LRMDA: variants seen among roughly 807,000 people sequenced by gnomAD.
LRMDA encodes the protein leucine rich melanocyte differentiation associated.
Under a neutral mutation model 29.8 loss-of-function variants are expected in LRMDA, and 18 were observed. The ratio of observed to expected loss-of-function variants is 0.60; its 90% CI spans 0.42 to 0.90. The LOEUF (loss-of-function observed/expected upper bound fraction) is 0.90. LRMDA is among the 40% of genes least tolerant of loss of function. The probability of loss-of-function intolerance (pLI) is 0.00; values close to 1 mark genes in which losing one functional copy is unlikely to be tolerated. For missense variants in LRMDA, 273 were observed against 273.9 expected (o/e 1.00, Z 0.02); for synonymous variants, 125 against 109.4 (o/e 1.14, Z -0.89).
intron 2 of LRMDA, among the ~76,000 whole-genome samples, chr10:75,562,194 G>T (rs1030357131): frequency 6.6e-6 from 1 of 152,080 alleles, no homozygotes; most frequent in Non-Finnish European, 1.5e-5. Context: ...TTCAGGACTT[G>T]CTTTATGAAT....
intron 2 of LRMDA, among the ~76,000 whole-genome samples, chr10:75,449,777 G>A (rs980769194): frequency 1.3e-5 from 2 of 152,184 alleles, no homozygotes; most frequent in Non-Finnish European, 2.9e-5. Context: ...CCTGCTCTGT[G>A]AGATGTGGTT....
At chr10:75,799,886 T>C (rs1843718928) in intron 2 of LRMDA, among the ~76,000 whole-genome samples, 1 of 151,686 alleles carries the variant, frequency 6.6e-6, no homozygotes, top group Non-Finnish European at 1.5e-5. Context: ...CAAATACTGT[T>C]TTTGCCTTAT....
chr10:75,737,834 A>G (rs560122072), intron 2 of LRMDA, among the ~76,000 whole-genome samples: 3 of 152,208 alleles, frequency 2.0e-5, no homozygotes, highest in Non-Finnish European at 4.4e-5. Context: ...TATAGTTATC[A>G]CTGCTGCACT....
intron 5 of LRMDA, among the ~76,000 whole-genome samples, chr10:76,183,582 G>A (rs1350821635): frequency 1.3e-5 from 2 of 152,146 alleles, no homozygotes; most frequent in Admixed American, 1.3e-4. Flanking sequence ...CTGGGGAGAG[G>A]GTGAGACAGG....
At chr10:75,496,651 C>T (rs1224245379) in intron 2 of LRMDA, among the ~76,000 whole-genome samples, 5 of 152,048 alleles carry the variant, frequency 3.3e-5, no homozygotes, top group African/African-American at 9.7e-5. Context: ...CATGAGAAGG[C>T]GCTTTTACAA....
intron 2 of LRMDA, among the ~76,000 whole-genome samples, chr10:75,906,606 G>A (rs1036320537): frequency 6.6e-6 from 1 of 152,208 alleles, no homozygotes; most frequent in African/African-American, 2.4e-5. Context: ...TTCCCTGTGT[G>A]TTTATATGTA....
intron 2 of LRMDA, among the ~76,000 whole-genome samples, chr10:76,010,689 C>T (rs77542266): frequency 6.6e-6 from 1 of 152,186 alleles, no homozygotes; most frequent in East Asian, 1.9e-4. Context: ...CACTCCCCCT[C>T]TCATGCCTCC....
chr10:76,094,171 T>C (rs752074843), intron 5 of LRMDA, among the ~76,000 whole-genome samples: 5 of 152,196 alleles, frequency 3.3e-5, no homozygotes, highest in African/African-American at 4.8e-5. Context: ...GAGGTTGGCT[T>C]CTGAGATGGA....
intron 2 of LRMDA, among the ~76,000 whole-genome samples, chr10:75,879,218 G>A (rs1845252331): frequency 6.6e-6 from 1 of 152,208 alleles, no homozygotes; most frequent in South Asian, 2.1e-4. Context: ...CTCACAAGGG[G>A]CAGCGAGGCC....
chr10:76,163,970 G>A lies in LRMDA; in HGVS notation c.516+105187G>A, dbSNP rs1230866481. 2.0e-5 allele frequency among the ~76,000 whole-genome samples: 3 copies of A among 152,160 alleles called. No homozygotes were observed. In the South Asian group the frequency reaches 6.2e-4, roughly 32 times the overall value. On this transcript the variant is annotated intron_variant, in intron 5 of 6. Transcript: ENST00000611255. The stretch of plus-strand genomic sequence containing the variant: ...TTGCTTTTCTGGAAACCTTTAGACA[G>A]GGTGACAATTATTCCAATGAGTTTT...
chr10:75,916,059 G>A (rs928710517), intron 2 of LRMDA, among the ~76,000 whole-genome samples: 1 of 152,162 alleles, frequency 6.6e-6, no homozygotes, highest in African/African-American at 2.4e-5. Flanking sequence ...ACAGAGACTT[G>A]TCTAGAGGTT....
intron 2 of LRMDA, among the ~76,000 whole-genome samples, chr10:75,919,771 C>T (rs1845997194): frequency 6.6e-6 from 1 of 152,152 alleles, no homozygotes; most frequent in Non-Finnish European, 1.5e-5. Context: ...AGATATGTTT[C>T]CTCTTTCTCC....
chr10:76,014,143 T>A (rs369873550), intron 2 of LRMDA, among the ~76,000 whole-genome samples: 1,986 of 37,102 alleles, frequency 0.054, 52 homozygotes, highest in African/African-American at 0.086. Context: ...TATATATATA[T>A]AATTATATAT....
chr10:76,539,708 A>G (rs1159254159), intron 6 of LRMDA, among the ~76,000 whole-genome samples: 1 of 152,136 alleles, frequency 6.6e-6, no homozygotes, highest in Non-Finnish European at 1.5e-5. Context: ...GTGGAGGTGC[A>G]TTGTTCAGTC....
chr10:75,862,003 A>T (rs1589232566), intron 2 of LRMDA, among the ~76,000 whole-genome samples: 1 of 152,218 alleles, frequency 6.6e-6, no homozygotes, highest in East Asian at 1.9e-4. Context: ...AAGTGAAGCC[A>T]TCTTGGACGT....
At chr10:75,436,406 A>T (rs1297921567) in intron 1 of LRMDA, among the ~76,000 whole-genome samples, 3 of 151,790 alleles carry the variant, frequency 2.0e-5, no homozygotes, top group Non-Finnish European at 4.4e-5. Context: ...AATGGGATGG[A>T]TTTTCTGGTG....
intron 2 of LRMDA, among the ~76,000 whole-genome samples, chr10:75,622,966 A>T (rs772241627): frequency 6.6e-6 from 1 of 152,176 alleles, no homozygotes; most frequent in Non-Finnish European, 1.5e-5. Flanking sequence ...CTATTTTGTT[A>T]TACAGTACCC....
chr10:76,519,581 T>C (rs1843098374), intron 6 of LRMDA, among the ~76,000 whole-genome samples: 1 of 152,206 alleles, frequency 6.6e-6, no homozygotes, highest in Non-Finnish European at 1.5e-5. Context: ...TTTTAAGATT[T>C]TTTTAAATGT....
At chr10:76,356,226 T>C (rs1841238098) in intron 6 of LRMDA, among the ~76,000 whole-genome samples, 1 of 152,220 alleles carries the variant, frequency 6.6e-6, no homozygotes, top group Non-Finnish European at 1.5e-5. Flanking sequence ...ATGGTAGTTA[T>C]TATTCCAAAT....
Sources: allele counts gnomAD v4.1 joint callset (sites outside exome capture counted in the v4.1 genomes callset), GRCh38; gene constraint gnomAD v4.1.1; transcripts MANE v1.5; gene names NCBI Gene and HGNC (gene_info 2026-07-23, HGNC 2026-07-21).